Variants in TBC1D16 observed in about 807,000 individuals in gnomAD.
The protein encoded by TBC1D16 is TBC1 domain family member 16.
In TBC1D16, 58 loss-of-function variants were observed where a neutral mutation model predicts 74.7. That is an observed-to-expected ratio of 0.78 (90% confidence interval 0.63 to 0.97). TBC1D16 has a LOEUF of 0.97. TBC1D16 is among the 50% of genes least tolerant of loss of function. The probability of loss-of-function intolerance (pLI) is 0.00; values close to 1 mark genes in which losing one functional copy is unlikely to be tolerated. For missense variants in TBC1D16, 1,014 were observed against 1,079.5 expected, an observed-to-expected ratio of 0.94 and a Z score of 0.85; for synonymous variants, 493 against 474.7, an observed-to-expected ratio of 1.04 and a Z score of -0.50.
At chr17:79,948,673 C>T (rs1186098308) in intron 8 of TBC1D16, among the ~76,000 whole-genome samples, 199 bp downstream of exon 8, 1 of 152,220 alleles carries the variant, frequency 6.6e-6, no homozygotes, top group East Asian at 1.9e-4. Flanking sequence ...ACCTGGGTGG[C>T]TTCCCTGGGA....
chr17:80,015,934 C>A (rs1179166380), intron 1 of TBC1D16, among the ~76,000 whole-genome samples: 1 of 149,736 alleles, frequency 6.7e-6, no homozygotes, highest in African/African-American at 2.5e-5. Flanking sequence ...TCGCTTAAAT[C>A]CAGGAGGTGG....
chr17:79,999,823 C>G (rs922855353), intron 3 of TBC1D16, among the ~76,000 whole-genome samples: 6 of 152,036 alleles, frequency 3.9e-5, no homozygotes, highest in African/African-American at 7.2e-5. Context: ...GGATTACAGA[C>G]CTGAGCCACC....
chr17:80,023,324 G>A (rs921450242), intron 1 of TBC1D16, among the ~76,000 whole-genome samples: 3 of 149,816 alleles, frequency 2.0e-5, no homozygotes, highest in Non-Finnish European at 2.9e-5. Context: ...TATTGCGAAC[G>A]GGCTCCAGCG....
At chr17:80,012,289 C>T (rs1466932154) in intron 2 of TBC1D16, among the ~76,000 whole-genome samples, 1 of 152,106 alleles carries the variant, frequency 6.6e-6, no homozygotes, top group Non-Finnish European at 1.5e-5. Context: ...ACTCCCTGGT[C>T]TCTCTCTCTA....
Position 79,940,293 on chromosome 17 carries a change from T to C in TBC1D16, c.*566A>G, listed in dbSNP as rs1177477293. On this transcript the variant is annotated 3_prime_UTR_variant, in exon 12 of 12. Coordinates refer to ENST00000310924, the MANE Select transcript of TBC1D16 (RefSeq NM_019020.4). This position sits in a 1 kb window ranked among gnomAD's most constrained non-coding sequence, Gnocchi z 5.4. ...CTTTTTATCTTTTGCTTTTCTTTTA[T>C]GGCAGATGCCTTTCCATCGGCATCC... The C allele has an allele frequency of 6.6e-6, 1 of 152,294 alleles. No individual in the cohort carries two copies. The highest frequency in any genetic ancestry group is 2.4e-5 in the African/African-American group (1 of 41,466). 9.4% of individuals were successfully genotyped at this position (152,294 alleles called of 1,614,324 possible).
chr17:79,996,222 A>G (rs2035268411), intron 3 of TBC1D16, among the ~76,000 whole-genome samples: 1 of 152,246 alleles, frequency 6.6e-6, no homozygotes. Flanking sequence ...TGGTTGCCAC[A>G]ATAAATCATA....
chr17:80,030,372 G>A (rs1438044743), intron 1 of TBC1D16, among the ~76,000 whole-genome samples: 2 of 152,080 alleles, frequency 1.3e-5, no homozygotes, highest in African/African-American at 2.4e-5. Context: ...CCTGGGCCCC[G>A]ACGTCCCTGT....
At position 79,967,890 on chromosome 17, in the gene TBC1D16, T is replaced by C. The variant is rs905880671; in HGVS notation, c.780-15072A>G. On this transcript the variant is annotated intron_variant, in intron 3 of 11. Coordinates refer to ENST00000310924, the MANE Select transcript of TBC1D16 (RefSeq NM_019020.4). The stretch of plus-strand genomic sequence containing the variant: ...TGATAATGGCATAAGGATAGACATA[T>C]TGATCAATGGAATAGAATTGAGAGT... Among the ~76,000 whole-genome samples, 9 of 152,348 alleles carry C rather than the reference T, an allele frequency of 5.9e-5. No homozygotes were observed. The South Asian group carries it at 6.2e-4, about 11-fold the overall frequency.
chr17:79,951,347 C>T (rs2033034361), intron 5 of TBC1D16, 103 bp downstream of exon 5: 3 of 1,422,624 alleles, frequency 2.1e-6, no homozygotes, highest in Admixed American at 2.2e-5. Context: ...CGTAAGCCCC[C>T]GGGGCCCGGG....
Position 79,952,734 on chromosome 17 carries a change from C to T in TBC1D16, c.864G>A (p.Arg288=), listed in dbSNP as rs778123754. The T allele has an allele frequency of 6.2e-7, 1 of 1,612,330 alleles. No individual in the cohort carries two copies. Among genetic ancestry groups the T allele is most frequent in the South Asian group, 1.1e-5 (1 of 91,030 alleles). Residue 288 remains arginine (R), a synonymous_variant, in exon 4 of 12, where the codon CGG becomes CGA. Coordinates refer to ENST00000310924, the MANE Select transcript of TBC1D16 (RefSeq NM_019020.4). The part of the protein sequence containing the change: ...LQTPRWDEPQ[R]VCALEQICGV... ...CGCAAATCTGCTCCAGGGCGCACAC[C>T]CGCTGCGGCTCGTCCCAGCGTGGGG...
rs1017573022 is a variant in TBC1D16 at position 79,954,788 on chromosome 17, G to A, written c.780-1970C>T. On this transcript the variant is annotated intron_variant, in intron 3 of 11. Transcript: ENST00000310924. The surrounding 1 kb of genome is among the most constrained non-coding windows in gnomAD (Gnocchi z 5.5). ...CGGCCCACCCAGTGGGGCCATCAGAGGGTGGTATCCTTTCCCGCCTCCTCC... is the reference window on the plus strand; with the variant it reads ...CGGCCCACCCAGTGGGGCCATCAGAAGGTGGTATCCTTTCCCGCCTCCTCC... 6.6e-6 allele frequency among the ~76,000 whole-genome samples: 1 copy of A among 152,174 alleles called. No individual in the cohort carries two copies. Among genetic ancestry groups the A allele is most frequent in the African/African-American group, 2.4e-5 (1 of 41,434 alleles).
intron 1 of TBC1D16, among the ~76,000 whole-genome samples, chr17:80,014,471 T>A (rs1299935778): frequency 1.3e-5 from 2 of 151,986 alleles, no homozygotes; most frequent in Admixed American, 1.3e-4. Context: ...AAAAAATGGG[T>A]GCTCCACACA....
intron 1 of TBC1D16, among the ~76,000 whole-genome samples, chr17:80,013,824 T>C (rs974849694): frequency 6.6e-6 from 1 of 152,252 alleles, no homozygotes; most frequent in Middle Eastern, 3.4e-3. Context: ...CCTCAACCTG[T>C]GGATGCCACC....
intron 3 of TBC1D16, among the ~76,000 whole-genome samples, chr17:79,973,921 A>T (rs2034222569): frequency 6.6e-6 from 1 of 152,212 alleles, no homozygotes; most frequent in Non-Finnish European, 1.5e-5. Context: ...TTCTTACCAG[A>T]GGTCGTAGCA....
chr17:79,941,913 G>A lies in TBC1D16; in HGVS notation c.2055+147C>T. The stretch of plus-strand genomic sequence containing the variant: ...GGAGCCCCCAGTGCTATGGGTGGGG[G>A]AGGGCACGTGCTGGGGGGCCATGGT... On this transcript the variant is annotated intron_variant, in intron 11 of 11. Coordinates refer to ENST00000310924, the MANE Select transcript of TBC1D16 (RefSeq NM_019020.4). The surrounding 1 kb of genome is among the most constrained non-coding windows in gnomAD (Gnocchi z 4.3). 3 of 698,862 alleles carry A rather than the reference G, an allele frequency of 4.3e-6. No homozygotes were observed. The highest frequency in any genetic ancestry group is 4.0e-4 in the Middle Eastern group (1 of 2,486). The allele number at this position is 698,862 out of a possible 1,614,324, so 43.3% of individuals were successfully genotyped here. A position where few individuals can be genotyped will look rare whatever the true frequency, so the allele number is the denominator to read the frequency against.
In TBC1D16 at chr17:79,950,785, G is replaced by A. The variant is rs759897158; in HGVS notation, c.1090-207C>T. On this transcript the variant is annotated intron_variant, in intron 5 of 11. Transcript: ENST00000310924. The surrounding 1 kb of genome is among the most constrained non-coding windows in gnomAD (Gnocchi z 4.6). ...ATCTTAAAATCGGTTTCCCTCTGCG[G>A]CTCTCTCCTCCCCGGCCCACTGTGC... 2.9e-5 allele frequency: 45 copies of A among 1,536,044 alleles called. 2 individuals carry two copies. In the South Asian group the frequency reaches 5.2e-4, roughly 18 times the overall value.
intron 3 of TBC1D16, among the ~76,000 whole-genome samples, chr17:79,959,848 G>T (rs2033513781): frequency 6.7e-6 from 1 of 150,118 alleles, no homozygotes; most frequent in Non-Finnish European, 1.5e-5. Context: ...AACTGTAAAA[G>T]AAATAATAAA....
At chr17:80,030,674 C>A (rs1442905339) in intron 1 of TBC1D16, among the ~76,000 whole-genome samples, 2 of 152,216 alleles carry the variant, frequency 1.3e-5, no homozygotes, top group African/African-American at 2.4e-5. Context: ...CAGCAGTCAG[C>A]AGGACAGACC....
At chr17:79,943,804 G>A in intron 10 of TBC1D16, 1 of 1,304,320 alleles carries the variant, frequency 7.7e-7, no homozygotes, top group Non-Finnish European at 9.8e-7. Context: ...CACGCGCTGA[G>A]TTCACGGGTA....
Sources: allele counts gnomAD v4.1 joint callset (sites outside exome capture counted in the v4.1 genomes callset), GRCh38; gene constraint gnomAD v4.1.1; non-coding constraint Gnocchi (gnomAD v3.1); transcripts MANE v1.5; gene names NCBI Gene and HGNC (gene_info 2026-07-23, HGNC 2026-07-21).